Variants in BRCA2 observed in about 807,000 individuals in gnomAD.
BRCA2 encodes the protein breast cancer type 2 susceptibility protein.
Under a neutral mutation model 276.7 loss-of-function variants are expected in BRCA2, and 203 were observed. The observed-to-expected ratio is 0.73, with a 90% CI of 0.65 to 0.82. BRCA2 has a LOEUF of 0.82. BRCA2 is among the 40% of genes least tolerant of loss of function. BRCA2 has a pLI of 0.00. For synonymous variants in BRCA2, 1,289 were observed against 1,338.4 expected, an observed-to-expected ratio of 0.96 and a Z score of 0.81; for missense variants, 3,920 against 3,915.0, an observed-to-expected ratio of 1.00 and a Z score of -0.03.
chr13:32,351,317 C>T (rs2072649080), intron 13 of BRCA2, among the ~76,000 whole-genome samples: 1 of 151,784 alleles, frequency 6.6e-6, no homozygotes, highest in South Asian at 2.1e-4. Context: ...TCTTTGAGAG[C>T]TGTAACACTC....
chr13:32,341,141 G>T lies in BRCA2; in HGVS notation c.6786G>T (p.Met2262Ile), dbSNP rs2072565373. ...SLFTCPENEEMVLSNSRIGKR... is the reference protein window; with the variant it reads ...SLFTCPENEEIVLSNSRIGKR... ...TTACATGTCCCGAAAATGAGGAAAT[G>T]GTTTTGTCAAATTCAAGAATTGGAA... is the stretch of plus-strand genomic sequence containing the variant. The change falls in exon 11 of 27, where the codon ATG becomes ATT. Residue 2262 changes from methionine to isoleucine, a missense_variant. Met to Ile is a conservative substitution (Grantham distance 10, BLOSUM62 1). This residue lies in a region of BRCA2 where 3,263 missense variants were observed against 3,156.9 expected (regional missense o/e 1.03). Transcript: ENST00000380152. The T allele has an allele frequency of 6.2e-7, 1 of 1,613,892 alleles. No individual in the cohort carries two copies. Among genetic ancestry groups the T allele is most frequent in the South Asian group, 1.1e-5 (1 of 91,064 alleles).
At position 32,370,954 on chromosome 13, in the gene BRCA2, A is replaced by G. The variant is rs773272765; in HGVS notation, c.8488-2A>G. ...TTTGGTGTGTGTAACACATTATTAC[A>G]GTGGATGGAGAAGACATCATCTGGA... On this transcript the variant is annotated splice_acceptor_variant, in intron 19 of 26. Transcript: ENST00000380152. LOFTEE classifies it high-confidence loss of function. 6.2e-7 allele frequency: 1 copy of G among 1,614,086 alleles called. No homozygotes were observed. The highest frequency in any genetic ancestry group is 1.1e-5 in the South Asian group (1 of 91,080).
chr13:32,394,238 G>A (rs114122302), intron 24 of BRCA2, among the ~76,000 whole-genome samples: 202 of 152,206 alleles, frequency 1.3e-3, no homozygotes, highest in African/African-American at 4.7e-3. Flanking sequence ...TAATTATAAT[G>A]TTTCAGTGAG....
In BRCA2 at chr13:32,381,260, C is replaced by T. The variant is rs9534342; in HGVS notation, c.9256+1115C>T. On this transcript the variant is annotated intron_variant, in intron 24 of 26. Transcript: ENST00000380152. The stretch of plus-strand genomic sequence containing the variant: ...GCGATTAACAAAACAGATAAGAATC[C>T]CTACCCTCATAGAGCTTACATTATG... 0.52 allele frequency among the ~76,000 whole-genome samples: 78,570 copies of T among 151,894 alleles called. 20,406 individuals carry two copies. The highest frequency in any genetic ancestry group is 0.57 in the East Asian group (2,950 of 5,166).
intron 20 of BRCA2, among the ~76,000 whole-genome samples, chr13:32,373,720 T>G (rs1333744073): frequency 6.6e-6 from 1 of 152,148 alleles, no homozygotes; most frequent in Non-Finnish European, 1.5e-5. Context: ...GGGCTGCCAT[T>G]GAGTGACAGC....
At position 32,337,001 on chromosome 13, in the gene BRCA2, T is replaced by A. The variant is rs886038221; in HGVS notation, c.2646T>A (p.Leu882=). The part of the protein sequence containing the change: ...KITVNPDSEE[L]FSDNENNFVF... ...CTGTCAATCCAGACTCTGAAGAACTTTTCTCAGACAATGAGAATAATTTTG... is the reference window on the plus strand; with the variant it reads ...CTGTCAATCCAGACTCTGAAGAACTATTCTCAGACAATGAGAATAATTTTG... Residue 882 remains leucine, a synonymous_variant, in exon 11 of 27, where the codon CTT becomes CTA. Coordinates refer to ENST00000380152, the MANE Select transcript of BRCA2 (RefSeq NM_000059.4). 1 of 1,587,756 alleles carries A rather than the reference T, an allele frequency of 6.3e-7. No individual in the cohort carries two copies. Among genetic ancestry groups the A allele is most frequent in the Non-Finnish European group, 8.5e-7 (1 of 1,171,888 alleles).
intron 3 of BRCA2, among the ~76,000 whole-genome samples, chr13:32,323,578 A>G (rs968674525): frequency 2.0e-5 from 3 of 152,208 alleles, no homozygotes; most frequent in African/African-American, 7.2e-5. Context: ...TTACACATCC[A>G]TTTGCTTTAT....
intron 24 of BRCA2, among the ~76,000 whole-genome samples, chr13:32,392,728 A>G (rs891687879): frequency 1.3e-5 from 2 of 152,172 alleles, no homozygotes; most frequent in South Asian, 2.1e-4. Flanking sequence ...CCGTAGTACA[A>G]TTAGAATCAG....
chr13:32,331,638 G>A (rs1406501114), intron 9 of BRCA2, among the ~76,000 whole-genome samples: 2 of 151,962 alleles, frequency 1.3e-5, no homozygotes, highest in Non-Finnish European at 2.9e-5. Flanking sequence ...TATTTAATAT[G>A]TGGTTGTGAC....
chr13:32,394,670 T>A lies in BRCA2; in HGVS notation c.9257-19T>A. 6.2e-7 allele frequency: 1 copy of A among 1,608,284 alleles called. No homozygotes were observed. ...TAACACATCTATAATAACATTCTTT[T>A]CTTTTTTTTCCATTCTAGGACTTGC... On this transcript the variant is annotated intron_variant, in intron 24 of 26. Coordinates refer to ENST00000380152, the MANE Select transcript of BRCA2 (RefSeq NM_000059.4).
At chr13:32,325,047 A>C (rs775484431) in intron 3 of BRCA2, 29 bp from the exon 4 acceptor site, 2 of 1,437,578 alleles carry the variant, frequency 1.4e-6, no homozygotes, top group Non-Finnish European at 9.8e-7. Context: ...GAGTATATAC[A>C]TTCTCACTGA....
At chr13:32,346,333 T>C (rs2072610487) in intron 12 of BRCA2, among the ~76,000 whole-genome samples, 1 of 152,072 alleles carries the variant, frequency 6.6e-6, no homozygotes, top group Admixed American at 6.6e-5. Flanking sequence ...AGATGACTCC[T>C]TAATGAGTAT....
At chr13:32,315,911 C>G (rs1355672536) in intron 1 of BRCA2, among the ~76,000 whole-genome samples, 1 of 152,234 alleles carries the variant, frequency 6.6e-6, no homozygotes, top group African/African-American at 2.4e-5. Flanking sequence ...TGGGCTCCGC[C>G]TTCAGCTCAA....
intron 20 of BRCA2, among the ~76,000 whole-genome samples, chr13:32,374,951 T>C (rs2072860675): frequency 6.6e-6 from 1 of 152,228 alleles, no homozygotes; most frequent in African/African-American, 2.4e-5. Context: ...AAAGGTTTAA[T>C]TGATTCACAG....
chr13:32,338,176 A>G lies in BRCA2; in HGVS notation c.3821A>G (p.Lys1274Arg), dbSNP rs1337434023. 6.3e-7 allele frequency: 1 copy of G among 1,575,502 alleles called. No homozygotes were observed. The change falls in exon 11 of 27, where the codon AAG becomes AGG. Residue 1274 changes from lysine to arginine, a missense_variant. Transcript: ENST00000380152. ...CATGATTCTGTTGTTTCAATGTTTA[A>G]GATAGAAAATCATAATGATAAAACT... ...KCHDSVVSMF[K>R]IENHNDKTVS... is the part of the protein sequence containing the mutation.
chr13:32,383,162 A>T (rs1336529453), intron 24 of BRCA2, among the ~76,000 whole-genome samples: 2 of 103,426 alleles, frequency 1.9e-5, no homozygotes, highest in Non-Finnish European at 4.3e-5. Context: ...AGATGGAGAC[A>T]ATCCTGGATA....
At chr13:32,324,702 A>G (rs559499835) in intron 3 of BRCA2, among the ~76,000 whole-genome samples, 1 of 152,248 alleles carries the variant, frequency 6.6e-6, no homozygotes, top group South Asian at 2.1e-4. Context: ...CAGTGGCATG[A>G]TCATAGCTCA....
At position 32,395,960 on chromosome 13, in the gene BRCA2, CTTTTTTTTTTTTTTT is replaced by C. The variant is rs397838402; in HGVS notation, c.9502-924_9502-910del. 5.1e-4 allele frequency: 40 copies of C among 79,206 alleles called. 1 individual carries two copies. The South Asian group carries it at 5.6e-3, about 11-fold the overall frequency. The allele number at this position is 79,206 out of a possible 1,614,324, so 4.9% of individuals were successfully genotyped here. On this transcript the variant is annotated intron_variant, in intron 25 of 26. Coordinates refer to ENST00000380152, the MANE Select transcript of BRCA2 (RefSeq NM_000059.4). ...CCACATTTTCTTTTTTTCTTTCTTT[CTTTTTTTTTTTTTTT>C]TTTTTTTTTTTTTAGAGACAGAGTC...
rs751071709 is a variant in BRCA2 at position 32,340,771 on chromosome 13, A to T, written c.6416A>T (p.Glu2139Val). 2.5e-6 allele frequency: 4 copies of T among 1,596,114 alleles called. No homozygotes were observed. In the Admixed American group the frequency reaches 5.5e-5, roughly 22 times the overall value. ...AAATTATCAAATAACTTAAATGTTG[A>T]AGGTGGTTCTTCAGAAAATAATCAC... ...EFKLSNNLNVEGGSSENNHSI... is the reference protein window; with the variant it reads ...EFKLSNNLNVVGGSSENNHSI... Residue 2139 changes from glutamate (E) to valine (V), a missense_variant, in exon 11 of 27, where the codon GAA (glutamate) becomes GTA (valine). This residue lies in a region of BRCA2 where 3,263 missense variants were observed against 3,156.9 expected (regional missense o/e 1.03). Transcript: ENST00000380152.
Sources: allele counts gnomAD v4.1 joint callset (sites outside exome capture counted in the v4.1 genomes callset), GRCh38; gene constraint gnomAD v4.1.1; regional missense constraint gnomAD v4.1.1; transcripts MANE v1.5; gene names NCBI Gene and HGNC (gene_info 2026-07-23, HGNC 2026-07-21).